GPSM1: variants seen among roughly 807,000 people sequenced by gnomAD.
GPSM1 encodes the protein G protein signaling modulator 1.
A neutral mutation model predicts 70.5 loss-of-function variants in GPSM1; 48 were observed. The ratio of observed to expected loss-of-function variants is 0.68; its 90% CI spans 0.54 to 0.87. GPSM1 has a LOEUF of 0.87. Among genes scored for constraint, GPSM1 ranks in the 40% least tolerant of loss-of-function variants. GPSM1 has a pLI of 0.00. For missense variants in GPSM1, 981 were observed against 972.6 expected, an observed-to-expected ratio of 1.01 and a Z score of -0.11; for synonymous variants, 416 against 430.1, an observed-to-expected ratio of 0.97 and a Z score of 0.41.
intron 6 of GPSM1, 107 bp downstream of exon 6, chr9:136,338,068 C>T (rs1554769600): frequency 1.1e-5 from 8 of 731,384 alleles, no homozygotes; most frequent in Non-Finnish European, 1.8e-5. Flanking sequence ...CTCCCCTCCC[C>T]TCCCCAGAAG....
In GPSM1 at chr9:136,356,325, C is replaced by T. The variant is rs141374129; in HGVS notation, c.1613-17C>T. 1,466 of 1,539,632 alleles carry T rather than the reference C, an allele frequency of 9.5e-4. 54 individuals carry two copies. In the East Asian group the frequency reaches 0.033, roughly 35 times the overall value. Reference sequence around the variant, plus strand: ...CCCCGCACTGGGTCCCAGGTCTCACCCTCTGGCCCCCCGCAGCCCAGCCCT... The same window carrying T: ...CCCCGCACTGGGTCCCAGGTCTCACTCTCTGGCCCCCCGCAGCCCAGCCCT... On this transcript the variant is annotated splice_polypyrimidine_tract_variant and intron_variant, in intron 12 of 13. Transcript: ENST00000440944.
At chr9:136,336,887 G>C in intron 3 of GPSM1, 34 bp from the exon 4 acceptor site, 2 of 1,537,374 alleles carry the variant, frequency 1.3e-6, no homozygotes, top group Non-Finnish European at 1.8e-6. Flanking sequence ...GGGGGCCGTG[G>C]AGGCATGCCC....
chr9:136,338,213 G>A (rs1375220404), intron 6 of GPSM1, among the ~76,000 whole-genome samples: 9 of 152,224 alleles, frequency 5.9e-5, no homozygotes, highest in South Asian at 2.1e-4. Flanking sequence ...AGCGCCTGCC[G>A]GGTGGAGCCC....
At chr9:136,333,556 G>A (rs1299035715) in intron 1 of GPSM1, among the ~76,000 whole-genome samples, 1 of 152,210 alleles carries the variant, frequency 6.6e-6, no homozygotes, top group Non-Finnish European at 1.5e-5. Context: ...AGGGTGAGGG[G>A]TTTCTTCTCT....
At chr9:136,353,277 C>T (rs1002396734) in intron 11 of GPSM1, 2 of 187,682 alleles carry the variant, frequency 1.1e-5, no homozygotes, top group Non-Finnish European at 2.0e-5. Flanking sequence ...AGAAACTGGG[C>T]TTGTGCCAAA....
At chr9:136,353,097 CTGTG>C in intron 11 of GPSM1, 1 of 985,522 alleles carries the variant, frequency 1.0e-6, no homozygotes, top group South Asian at 4.7e-5. Context: ...TGCCTGCGCT[CTGTG>C]TGGCCAAGCA....
chr9:136,353,443 C>A (rs979836354), intron 11 of GPSM1, among the ~76,000 whole-genome samples: 1 of 152,038 alleles, frequency 6.6e-6, no homozygotes, highest in Non-Finnish European at 1.5e-5. Flanking sequence ...GGGAAGGTGG[C>A]CTTGGGGCCC....
At position 136,337,548 on chromosome 9, in the gene GPSM1, C is replaced by T. The variant is rs200055599; in HGVS notation, c.686C>T (p.Thr229Met). 168 of 1,557,556 alleles carry T rather than the reference C, an allele frequency of 1.1e-4. No homozygotes were observed. Among genetic ancestry groups the T allele is most frequent in the Non-Finnish European group, 1.3e-4 (148 of 1,150,720 alleles). Residue 229 changes from threonine to methionine, a missense_variant, in exon 5 of 14, where the codon ACG (threonine) becomes ATG (methionine). By Grantham distance (81) the Thr-to-Met change is moderately conservative (BLOSUM62 -1). Coordinates refer to ENST00000440944, the MANE Select transcript of GPSM1 (RefSeq NM_001145638.3). The part of the protein sequence containing the change: ...HYLLGNFTEA[T>M]TFHKERLAIA... ...TTGTTGGGGAACTTCACAGAGGCCA[C>T]GACCTTCCACAAGGAGGTGAGCCGG...
Position 136,355,860 on chromosome 9 carries a change from T to G in GPSM1, c.1612+14T>G, listed in dbSNP as rs1450448527. On this transcript the variant is annotated intron_variant, in intron 12 of 13. Coordinates refer to ENST00000440944, the MANE Select transcript of GPSM1 (RefSeq NM_001145638.3). ...AGGACAGGATCGGTGAGTGCCCCCCTCAGCCGGGCCCTCCCTTGGGCTTGT... is the reference window on the plus strand; with the variant it reads ...AGGACAGGATCGGTGAGTGCCCCCCGCAGCCGGGCCCTCCCTTGGGCTTGT... The G allele has an allele frequency of 5.6e-6, 9 of 1,593,246 alleles. No individual in the cohort carries two copies. Among genetic ancestry groups the G allele is most frequent in the Admixed American group, 1.7e-5 (1 of 58,198 alleles).
intron 6 of GPSM1, 122 bp downstream of exon 6, chr9:136,338,083 G>T: frequency 1.5e-6 from 1 of 681,226 alleles, no homozygotes; most frequent in South Asian, 1.9e-5. Context: ...CAGAAGGCAA[G>T]GTGGGGTTCT....
At chr9:136,337,595 G>T (rs1554769498) in intron 5 of GPSM1, 31 bp downstream of exon 5, 3 of 1,545,666 alleles carry the variant, frequency 1.9e-6, no homozygotes, top group Non-Finnish European at 2.6e-6. Context: ...GGGTGGAGGG[G>T]CCGGGCTGCT....
chr9:136,354,672 G>C, intron 11 of GPSM1: 1 of 247,420 alleles, frequency 4.0e-6, no homozygotes, highest in Non-Finnish European at 6.4e-6. Context: ...TCACGGGGTG[G>C]ACCTGCTTCA....
Position 136,340,947 on chromosome 9 carries a change from C to G in GPSM1, c.1161C>G (p.Ser387Arg). 6.4e-7 allele frequency: 1 copy of G among 1,564,410 alleles called. No individual in the cohort carries two copies. Among genetic ancestry groups the G allele is most frequent in the Non-Finnish European group, 8.7e-7 (1 of 1,155,404 alleles). Residue 387 changes from serine (S) to arginine (R), a missense_variant, in exon 9 of 14, where the codon AGC becomes AGG. Physicochemically the swap from Ser to Arg is moderately radical, Grantham distance 110 (BLOSUM62 -1). Transcript: ENST00000440944. This position sits in a 1 kb window ranked among gnomAD's most constrained non-coding sequence, Gnocchi z 7.3. ...QLQLVLGRLT[S>R]PAASEKPDLA... ...AGCTGGTGCTCGGCCGCCTGACCAGCCCGGCAGCCTCAGAGAAGCCTGACC... is the reference window on the plus strand; with the variant it reads ...AGCTGGTGCTCGGCCGCCTGACCAGGCCGGCAGCCTCAGAGAAGCCTGACC...
At chr9:136,337,660 T>C (rs1416003141) in intron 5 of GPSM1, 96 bp downstream of exon 5, 20 of 1,273,974 alleles carry the variant, frequency 1.6e-5, no homozygotes, top group Non-Finnish European at 2.2e-5. Flanking sequence ...CAGGGTGGTA[T>C]GGCCAGGCAG....
At position 136,356,390 on chromosome 9, in the gene GPSM1, T is replaced by A; in HGVS notation, c.1661T>A (p.Leu554His). The change falls in exon 13 of 14, where the codon CTC becomes CAC. Residue 554 changes from leucine to histidine, a missense_variant. Leu to His is a moderately conservative substitution (Grantham distance 99, BLOSUM62 -3). Transcript: ENST00000440944. ...ASPQTEEFFD[L>H]IASSQSRRLD... ...CCCCAGACCGAGGAATTCTTCGACC[T>A]CATCGCCAGCTCCCAGAGCCGCCGG... 2 of 1,609,002 alleles carry A rather than the reference T, an allele frequency of 1.2e-6. No homozygotes were observed. Among genetic ancestry groups the A allele is most frequent in the Non-Finnish European group, 1.7e-6 (2 of 1,177,940 alleles).
chr9:136,337,545 C>G lies in GPSM1; in HGVS notation c.683C>G (p.Ala228Gly). The G allele has an allele frequency of 6.4e-7, 1 of 1,557,564 alleles. No individual in the cohort carries two copies. Residue 228 changes from alanine to glycine, a missense_variant, in exon 5 of 14, where the codon GCC becomes GGC. Physicochemically the swap from Ala to Gly is moderately conservative, Grantham distance 60. Coordinates refer to ENST00000440944, the MANE Select transcript of GPSM1 (RefSeq NM_001145638.3). Reference sequence around the variant, plus strand: ...TATTTGTTGGGGAACTTCACAGAGGCCACGACCTTCCACAAGGAGGTGAGC... The same window carrying G: ...TATTTGTTGGGGAACTTCACAGAGGGCACGACCTTCCACAAGGAGGTGAGC... The part of the protein sequence containing the change: ...THYLLGNFTE[A>G]TTFHKERLAI...
At chr9:136,336,247 G>A (rs1832232573) in intron 3 of GPSM1, 146 bp downstream of exon 3, 2 of 982,006 alleles carry the variant, frequency 2.0e-6, no homozygotes, top group African/African-American at 1.6e-5. Context: ...GATCCCGAGT[G>A]ACTCAGGAGA....
chr9:136,356,198 A>C, intron 12 of GPSM1, 144 bp from the exon 13 acceptor site: 1 of 678,836 alleles, frequency 1.5e-6, no homozygotes, highest in Non-Finnish European at 2.4e-6. Flanking sequence ...TAGGCCGGTC[A>C]GCGGAGACTC....
intron 1 of GPSM1, among the ~76,000 whole-genome samples, chr9:136,333,033 AGT>A (rs1417056590): frequency 6.6e-6 from 1 of 152,156 alleles, no homozygotes; most frequent in African/African-American, 2.4e-5. Flanking sequence ...TGGTAACATA[AGT>A]TTTAAAAATG....
Sources: gnomAD v4.1 joint callset for allele counts (sites outside exome capture counted in the v4.1 genomes callset) on GRCh38, gnomAD v4.1.1 for gene constraint, Gnocchi (gnomAD v3.1) non-coding constraint, MANE v1.5 for transcripts, NCBI Gene and HGNC (gene_info 2026-07-23, HGNC 2026-07-21) for gene names.